The following BCR variants were observed in gnomAD, a reference collection of about 807,000 sequenced individuals.
The protein encoded by BCR is BCR activator of RhoGEF and GTPase, also known as breakpoint cluster region protein.
In BCR, 58 loss-of-function variants were observed where a neutral mutation model predicts 138.6. The ratio of observed to expected loss-of-function variants is 0.42; its 90% CI spans 0.34 to 0.52. BCR has a LOEUF of 0.52. BCR is among the 20% of genes least tolerant of loss of function. The probability of loss-of-function intolerance (pLI) is 0.06; values close to 1 mark genes in which losing one functional copy is unlikely to be tolerated. For missense variants in BCR, 1,599 were observed against 1,727.2 expected (o/e 0.93, Z 1.32); for synonymous variants, 786 against 730.1 (o/e 1.08, Z -1.23).
chr22:23,197,288 G>T (rs896918437), intron 1 of BCR, among the ~76,000 whole-genome samples: 1 of 152,198 alleles, frequency 6.6e-6, no homozygotes, highest in African/African-American at 2.4e-5. Flanking sequence ...GCTCTGTCGT[G>T]TAGGTTTGTG....
intron 1 of BCR, among the ~76,000 whole-genome samples, chr22:23,193,070 C>T (rs1313474948): frequency 6.6e-6 from 1 of 152,160 alleles, no homozygotes; most frequent in Non-Finnish European, 1.5e-5. Flanking sequence ...TACTCAAGTG[C>T]CACTGTTGGC....
chr22:23,288,042 G>A (rs2073738118), intron 11 of BCR, 55 bp from the exon 12 acceptor site: 2 of 1,554,304 alleles, frequency 1.3e-6, no homozygotes, highest in South Asian at 2.2e-5. Flanking sequence ...GGCCTACCAG[G>A]CATTTGCGTA....
chr22:23,312,847 G>A, intron 19 of BCR, 40 bp from the exon 20 acceptor site: 1 of 1,595,762 alleles, frequency 6.3e-7, no homozygotes, highest in South Asian at 1.1e-5. Flanking sequence ...ACTCACTCGG[G>A]ATCCTCAAGG....
At position 23,317,302 on chromosome 22, in the gene BCR, A is replaced by C. The variant is rs1352023234; in HGVS notation, c.*1780A>C. 3.4e-5 allele frequency: 6 copies of C among 177,440 alleles called. No homozygotes were observed. Among genetic ancestry groups the C allele is most frequent in the Non-Finnish European group, 5.4e-5 (5 of 92,516 alleles). The allele number at this position is 177,440 out of a possible 1,614,324, so 11.0% of individuals were successfully genotyped here. On this transcript the variant is annotated 3_prime_UTR_variant, in exon 23 of 23. Transcript: ENST00000305877. ...TTAGTTGTGCTTTTTTCTTGCTGGG[A>C]GAGCACAGCCACCATTTACAAGCAG...
rs1380054733 is a variant in BCR at position 23,311,978 on chromosome 22, G to C, written c.3322+142G>C. ...TTACTGTGTTATTATTTTTAAAAAA[G>C]AGAAGACAAGAGTTGTAGAAAAAGC... On this transcript the variant is annotated intron_variant, in intron 19 of 22. Coordinates refer to ENST00000305877, the MANE Select transcript of BCR (RefSeq NM_004327.4). The C allele has an allele frequency of 2.8e-6, 4 of 1,412,324 alleles. No homozygotes were observed. In the African/African-American group the frequency reaches 4.3e-5, roughly 15 times the overall value. 87.5% of individuals were successfully genotyped at this position (1,412,324 alleles called of 1,614,324 possible).
intron 1 of BCR, among the ~76,000 whole-genome samples, chr22:23,197,188 A>G (rs188228402): frequency 9.1e-4 from 138 of 152,282 alleles, no homozygotes; most frequent in Admixed American, 2.2e-3. Flanking sequence ...CTGTGTCACA[A>G]TTGCTTACGG....
Position 23,227,233 on chromosome 22 carries a change from G to A in BCR, c.1280-26566G>A, listed in dbSNP as rs985852663. Among the ~76,000 whole-genome samples, 12 of 152,182 alleles carry A rather than the reference G, an allele frequency of 7.9e-5. No individual in the cohort carries two copies. The East Asian group carries it at 1.5e-3, about 20-fold the overall frequency. On this transcript the variant is annotated intron_variant, in intron 1 of 22. Coordinates refer to ENST00000305877, the MANE Select transcript of BCR (RefSeq NM_004327.4). ...TTGTTAATGGTGACTACCACCTTCC[G>A]TACCTACTGTGTGCCAGGCATAGCA...
chr22:23,246,441 T>G (rs2073157838), intron 1 of BCR, among the ~76,000 whole-genome samples: 1 of 152,190 alleles, frequency 6.6e-6, no homozygotes, highest in Non-Finnish European at 1.5e-5. Flanking sequence ...GAATAATGCT[T>G]CTGTGAACAT....
Position 23,181,494 on chromosome 22 carries a change from G to A in BCR, c.534G>A (p.Val178=), listed in dbSNP as rs1001017344. 6.2e-6 allele frequency: 10 copies of A among 1,612,116 alleles called. No homozygotes were observed. Among genetic ancestry groups the A allele is most frequent in the Middle Eastern group, 1.7e-4 (1 of 6,060 alleles). Residue 178 remains valine, a synonymous_variant, in exon 1 of 23, where the codon GTG becomes GTA. Transcript: ENST00000305877. ...PGADAEKPFY[V]NVEFHHERGL... is the part of the protein sequence containing the mutation. ...CGGACGCCGAGAAGCCCTTCTACGT[G>A]AACGTCGAGTTTCACCACGAGCGCG...
chr22:23,300,647 C>G (rs940231610), intron 16 of BCR, among the ~76,000 whole-genome samples: 2 of 152,150 alleles, frequency 1.3e-5, no homozygotes, highest in African/African-American at 4.8e-5. Flanking sequence ...GACCTCACTG[C>G]GTGGTGGGGA....
chr22:23,270,150 GT>G (rs1195670220), intron 5 of BCR, among the ~76,000 whole-genome samples: 1 of 152,224 alleles, frequency 6.6e-6, no homozygotes, highest in Non-Finnish European at 1.5e-5. Context: ...CTGCAGAGGT[GT>G]TGGGGGGTCA....
chr22:23,273,199 TTC>T lies in BCR; in HGVS notation c.1974+68_1974+69del, dbSNP rs1602090399. The T allele has an allele frequency of 3.9e-6, 6 of 1,532,050 alleles. No homozygotes were observed. In the East Asian group the frequency reaches 1.4e-4, roughly 35 times the overall value. The allele number at this position is 1,532,050 out of a possible 1,614,324, so 94.9% of individuals were successfully genotyped here. On this transcript the variant is annotated intron_variant, in intron 7 of 22. Coordinates refer to ENST00000305877, the MANE Select transcript of BCR (RefSeq NM_004327.4). Reference sequence around the variant, plus strand: ...CCCTCGGGCACACACAGCAACAATGTTCTGAGACCTTTTTTTAGTTGTCATAG... The same window carrying T: ...CCCTCGGGCACACACAGCAACAATGTTGAGACCTTTTTTTAGTTGTCATAG...
At chr22:23,239,503 C>T (rs2073064142) in intron 1 of BCR, among the ~76,000 whole-genome samples, 1 of 152,180 alleles carries the variant, frequency 6.6e-6, no homozygotes, top group Non-Finnish European at 1.5e-5. Flanking sequence ...CTCTTCCCCT[C>T]TGTCTGCCAC....
At chr22:23,289,419 GC>G in intron 12 of BCR, 97 bp from the exon 13 acceptor site, 1 of 1,011,574 alleles carries the variant, frequency 9.9e-7, no homozygotes, top group Non-Finnish European at 1.5e-6. Context: ...TTCTTGCCGT[GC>G]CCCTTCCCCA....
chr22:23,190,181 T>C (rs1430181569), intron 1 of BCR, among the ~76,000 whole-genome samples: 2 of 152,038 alleles, frequency 1.3e-5, no homozygotes, highest in East Asian at 3.9e-4. Context: ...CTTTTTTTGT[T>C]TTTGAGACGG....
At chr22:23,259,664 C>T (rs925423014) in intron 2 of BCR, among the ~76,000 whole-genome samples, 21 of 152,124 alleles carry the variant, frequency 1.4e-4, no homozygotes, top group Middle Eastern at 3.4e-3. Context: ...TTATAGGTGC[C>T]CGCCACCACA....
intron 14 of BCR, 47 bp from the exon 15 acceptor site, chr22:23,292,494 A>G (rs551549570): frequency 1.9e-5 from 26 of 1,334,836 alleles, no homozygotes; most frequent in Non-Finnish European, 2.7e-5. Flanking sequence ...CATGTGGGTG[A>G]TGTGGAAAAG....
chr22:23,313,875 C>A, intron 20 of BCR, 93 bp from the exon 21 acceptor site: 1 of 1,001,302 alleles, frequency 1.0e-6, no homozygotes, highest in Non-Finnish European at 1.6e-6. Flanking sequence ...CTGGGCTGTG[C>A]AGGGACACAA....
chr22:23,203,356 C>T (rs1486650205), intron 1 of BCR, among the ~76,000 whole-genome samples: 1 of 152,168 alleles, frequency 6.6e-6, no homozygotes, highest in African/African-American at 2.4e-5. Flanking sequence ...TTCTTGCCTC[C>T]TTCTGTTCAC....
Sources: allele counts gnomAD v4.1 joint callset (sites outside exome capture counted in the v4.1 genomes callset), GRCh38; gene constraint gnomAD v4.1.1; transcripts MANE v1.5; gene names NCBI Gene and HGNC (gene_info 2026-07-23, HGNC 2026-07-21).